Variants in TENM2 observed in about 807,000 individuals in gnomAD.
TENM2 encodes teneurin transmembrane protein 2, also known as teneurin-2.
A neutral mutation model predicts 245.2 loss-of-function variants in TENM2; 52 were observed. The observed-to-expected ratio is 0.21, with a 90% confidence interval of 0.17 to 0.27. TENM2 has a LOEUF of 0.27. Ranked by LOEUF, TENM2 falls within the 10% of genes least tolerant of loss-of-function variation. The pLI, the probability that TENM2 is intolerant of heterozygous loss-of-function variation, is 1.00. For synonymous variants in TENM2, 1,363 were observed against 1,438.9 expected (o/e 0.95, Z 1.19); for missense variants, 3,046 against 3,666.8 (o/e 0.83, Z 4.37).
At chr5:168,170,491 A>C (rs1438046270) in intron 13 of TENM2, among the ~76,000 whole-genome samples, 1 of 152,098 alleles carries the variant, frequency 6.6e-6, no homozygotes, top group Non-Finnish European at 1.5e-5. Context: ...TGGGTGACAG[A>C]GCGAGACTCC....
chr5:167,158,935 CTTCT>C, the TENM2 span, among the ~76,000 whole-genome samples: 744 of 122,678 alleles, frequency 6.1e-3, 12 homozygotes, highest in African/African-American at 0.023. Flanking sequence ...TCTCTCTCTC[CTTCT>C]TTCTTTCTTT....
In TENM2 at chr5:167,296,682, G is replaced by A. The variant is rs1754966481; in HGVS notation, c.226+11619G>A. On this transcript the variant is annotated intron_variant, in intron 1 of 28. Transcript: ENST00000518659. Reference sequence around the variant, plus strand: ...CACCAACAGCTGTCAAAAGACCCCTGTTTGCCTGGCGGCAGCTTTGGGTTC... The same window carrying A: ...CACCAACAGCTGTCAAAAGACCCCTATTTGCCTGGCGGCAGCTTTGGGTTC... 2.6e-5 allele frequency: 4 copies of A among 152,328 alleles called. No individual in the cohort carries two copies. In the South Asian group the frequency reaches 8.3e-4, roughly 32 times the overall value. The allele number at this position is 152,328 out of a possible 1,614,324, so 9.4% of individuals were successfully genotyped here.
chr5:167,383,728 TAA>T (rs10549785), intron 2 of TENM2, among the ~76,000 whole-genome samples: 39,725 of 110,042 alleles, frequency 0.36, 6,083 homozygotes, highest in African/African-American at 0.48. Flanking sequence ...TGGTGCAGGA[TAA>T]AAAAAAAAAA....
chr5:167,384,034 C>G (rs1761262773), intron 2 of TENM2, among the ~76,000 whole-genome samples: 1 of 152,116 alleles, frequency 6.6e-6, no homozygotes, highest in Non-Finnish European at 1.5e-5. Flanking sequence ...TTGTGGCAAC[C>G]TGTTTGGTTG....
chr5:168,026,883 A>G lies in TENM2; in HGVS notation c.1187-20544A>G, dbSNP rs79099802. ...CCTAGGTTTTCCCCTTCCAGAATAC[A>G]TACCAGCATACACAGATAAAACCAA... On this transcript the variant is annotated intron_variant, in intron 5 of 28. Transcript: ENST00000518659. Among the ~76,000 whole-genome samples the G allele has an allele frequency of 2.2e-4, 33 of 152,300 alleles. 1 individual carries two copies. In the East Asian group the frequency reaches 5.8e-3, roughly 27 times the overall value.
At chr5:167,080,682 A>G in the TENM2 span, among the ~76,000 whole-genome samples, 2 of 152,174 alleles carry the variant, frequency 1.3e-5, no homozygotes, top group Non-Finnish European at 2.9e-5. Flanking sequence ...GCAATTTGAA[A>G]ACAACCTAGA....
chr5:168,034,317 G>C (rs2151970347), intron 5 of TENM2, among the ~76,000 whole-genome samples: 1 of 149,136 alleles, frequency 6.7e-6, no homozygotes, highest in East Asian at 2.0e-4. Context: ...CTCCAGCCTG[G>C]GTGAAAGAGT....
chr5:167,916,258 T>C (rs188727393), intron 3 of TENM2, among the ~76,000 whole-genome samples: 1 of 152,292 alleles, frequency 6.6e-6, no homozygotes, highest in East Asian at 1.9e-4. Flanking sequence ...CTTTCTATCC[T>C]GGATGTCCAG....
chr5:168,256,234 G>C lies in TENM2; in HGVS notation c.7433-4049G>C, dbSNP rs569302473. On this transcript the variant is annotated intron_variant, in intron 27 of 28. Transcript: ENST00000518659. ...TATATGTCTATATGTATATATATGT[G>C]TATATATATGTATATATATTTTTAG... Among the ~76,000 whole-genome samples the C allele has an allele frequency of 7.9e-5, 12 of 151,204 alleles. No homozygotes were observed. In the East Asian group the frequency reaches 2.3e-3, roughly 29 times the overall value.
At chr5:167,059,163 T>A in the TENM2 span, among the ~76,000 whole-genome samples, 2,172 of 152,254 alleles carry the variant, frequency 0.014, 22 homozygotes, top group Middle Eastern at 0.048. Flanking sequence ...ACACTGGAAT[T>A]CCCTCACTGT....
At chr5:167,606,274 A>G (rs1352412121) in intron 2 of TENM2, among the ~76,000 whole-genome samples, 1 of 152,132 alleles carries the variant, frequency 6.6e-6, no homozygotes, top group Non-Finnish European at 1.5e-5. Context: ...ACAGACACTT[A>G]TATCACACAG....
In TENM2 at chr5:168,247,226, A is replaced by G; in HGVS notation, c.6287A>G (p.Asn2096Ser). The stretch of plus-strand genomic sequence containing the variant: ...AGGTTTGACTACACCTATCATGACA[A>G]CAGCTTCCGCATCGCAAGCATCAAG... The change falls in exon 27 of 29, where the codon AAC becomes AGC. Residue 2096 changes from asparagine (N) to serine (S), a missense_variant. Around this residue, in one of 2 missense-constraint regions of TENM2, gnomAD observed 2,704 missense variants for 3,331.9 expected, o/e 0.81. Coordinates refer to ENST00000518659, the Ensembl canonical transcript of TENM2. The surrounding 1 kb of genome is among the most constrained non-coding windows in gnomAD (Gnocchi z 7.8). The G allele has an allele frequency of 6.2e-7, 1 of 1,613,918 alleles. No individual in the cohort carries two copies. Among genetic ancestry groups the G allele is most frequent in the Non-Finnish European group, 8.5e-7 (1 of 1,179,884 alleles).
At chr5:168,185,981 T>C (rs1268777490) in intron 13 of TENM2, 1 of 51,300 alleles carries the variant, frequency 1.9e-5, no homozygotes, top group African/African-American at 8.2e-5. Flanking sequence ...TTTATATATA[T>C]ATATATATAT....
At chr5:167,431,402 G>T (rs951804310) in intron 2 of TENM2, among the ~76,000 whole-genome samples, 3 of 152,076 alleles carry the variant, frequency 2.0e-5, no homozygotes. Context: ...AAAGTGTATC[G>T]CAAGTAATTT....
At chr5:167,423,041 T>C (rs1160937840) in intron 2 of TENM2, among the ~76,000 whole-genome samples, 1 of 152,160 alleles carries the variant, frequency 6.6e-6, no homozygotes, top group African/African-American at 2.4e-5. Context: ...AAATGTTCCA[T>C]TTCCGACTAA....
chr5:167,783,839 G>A (rs1024911314), intron 2 of TENM2, among the ~76,000 whole-genome samples: 5 of 152,074 alleles, frequency 3.3e-5, no homozygotes, highest in Non-Finnish European at 7.4e-5. Context: ...CTCTCCCCAG[G>A]GGAGCACCCC....
At chr5:167,932,832 G>A (rs1252186163) in intron 3 of TENM2, among the ~76,000 whole-genome samples, 2 of 152,070 alleles carry the variant, frequency 1.3e-5, no homozygotes, top group African/African-American at 4.8e-5. Context: ...GTGGTCCGTG[G>A]CCATCGTTTG....
At chr5:167,139,555 TG>T in the TENM2 span, among the ~76,000 whole-genome samples, 2 of 152,226 alleles carry the variant, frequency 1.3e-5, no homozygotes, top group African/African-American at 4.8e-5. Flanking sequence ...ATAATGGTCT[TG>T]GTAAAATAAA....
chr5:167,533,267 A>G (rs1468160311), intron 2 of TENM2, among the ~76,000 whole-genome samples: 1 of 152,198 alleles, frequency 6.6e-6, no homozygotes, highest in East Asian at 1.9e-4. Flanking sequence ...ATAACCCGAA[A>G]AACAAGCCAA....
Sources: gnomAD v4.1 joint callset for allele counts (sites outside exome capture counted in the v4.1 genomes callset) on GRCh38, gnomAD v4.1.1 for gene constraint, gnomAD v4.1.1 regional missense constraint, Gnocchi (gnomAD v3.1) non-coding constraint, MANE v1.5 for transcripts, NCBI Gene and HGNC (gene_info 2026-07-23, HGNC 2026-07-21) for gene names.